Variants in KRT75 observed in about 807,000 individuals in gnomAD.
The protein encoded by KRT75 is keratin 75.
KRT75 carries 35 observed loss-of-function variants against 48.8 expected under a neutral mutation model. The observed-to-expected ratio is 0.72, with a 90% CI of 0.55 to 0.95. The LOEUF is 0.95. Ranked by LOEUF, KRT75 falls within the 40% of genes least tolerant of loss-of-function variation. The pLI is 0.00. For missense variants in KRT75, 776 were observed against 709.9 expected, an observed-to-expected ratio of 1.09 and a Z score of -1.06; for synonymous variants, 301 against 282.3, an observed-to-expected ratio of 1.07 and a Z score of -0.66.
At chr12:52,433,473 T>C (rs1940173008) in intron 1 of KRT75, among the ~76,000 whole-genome samples, 1 of 151,654 alleles carries the variant, frequency 6.6e-6, no homozygotes, top group South Asian at 2.1e-4. Flanking sequence ...GAGGCTTCTG[T>C]TGGGGAGCTG....
intron 5 of KRT75, among the ~76,000 whole-genome samples, chr12:52,429,567 G>A (rs955663645): frequency 4.6e-5 from 7 of 152,152 alleles, no homozygotes; most frequent in Non-Finnish European, 5.9e-5. Context: ...TCAGGTTCCC[G>A]CTTCTAGGTA....
chr12:52,431,462 A>C, intron 4 of KRT75, 81 bp downstream of exon 4: 1 of 1,059,200 alleles, frequency 9.4e-7, no homozygotes, highest in Non-Finnish European at 1.5e-6. Flanking sequence ...GAGGCACTGA[A>C]TGAATGAATG....
Position 52,433,152 on chromosome 12 carries a change from A to G in KRT75, c.599T>C (p.Phe200Ser). Residue 200 changes from phenylalanine (F) to serine (S), a missense_variant, in exon 2 of 9, where the codon TTT (phenylalanine) becomes TCT (serine). Transcript: ENST00000252245. ...TCGGAGCTCACTGGTATAGGAATCA[A>G]AGAGGGGCTCTAGGTTCTGCCTCAC... ...RTVRQNLEPL[F>S]DSYTSELRRQ... 1 of 1,613,864 alleles carries G rather than the reference A, an allele frequency of 6.2e-7. No individual in the cohort carries two copies. The highest frequency in any genetic ancestry group is 2.2e-5 in the East Asian group (1 of 44,848).
rs767195504 is a variant in KRT75 at position 52,428,630 on chromosome 12, G to A, written c.1149C>T (p.Ser383=). The A allele has an allele frequency of 1.6e-5, 26 of 1,614,086 alleles. No individual in the cohort carries two copies. The highest frequency in any genetic ancestry group is 1.9e-5 in the Non-Finnish European group (23 of 1,180,050). ...GCCAAATCTTTACCTGCTTCTTGACGCTGTCAATCTCAGCTCTCAGCCTCT... is the reference window on the plus strand; with the variant it reads ...GCCAAATCTTTACCTGCTTCTTGACACTGTCAATCTCAGCTCTCAGCCTCT... ...MIQRLRAEID[S]VKKQCSSLQT... is the part of the protein sequence containing the mutation. The change falls in exon 6 of 9, where the codon AGC becomes AGT. Residue 383 remains serine, a synonymous_variant. Coordinates refer to ENST00000252245, the MANE Select transcript of KRT75 (RefSeq NM_004693.3).
rs546285875 is a variant in KRT75, at chr12:52,424,118, G to T, written c.*399C>A. ...ACACATTCCAGGGAGGGAACAGAGGGAGCACTCACTCCCAGCAGGCCACTT... is the reference window on the plus strand; with the variant it reads ...ACACATTCCAGGGAGGGAACAGAGGTAGCACTCACTCCCAGCAGGCCACTT... On this transcript the variant is annotated 3_prime_UTR_variant, in exon 9 of 9. Transcript: ENST00000252245. 94 of 318,538 alleles carry T rather than the reference G, an allele frequency of 3.0e-4. 4 individuals carry two copies. The South Asian group carries it at 3.0e-3, about 10-fold the overall frequency. 19.7% of individuals were successfully genotyped at this position (318,538 alleles called of 1,614,324 possible).
chr12:52,432,329 A>G (rs777933113), intron 2 of KRT75, among the ~76,000 whole-genome samples: 13 of 152,202 alleles, frequency 8.5e-5, no homozygotes, highest in Admixed American at 3.9e-4. Flanking sequence ...ATGCAACTCC[A>G]TCTTTTGATA....
At position 52,433,167 on chromosome 12, in the gene KRT75, T is replaced by C. The variant is rs748429662; in HGVS notation, c.584A>G (p.Asn195Ser). The C allele has an allele frequency of 1.4e-5, 22 of 1,613,858 alleles. No homozygotes were observed. Among genetic ancestry groups the C allele is most frequent in the Non-Finnish European group, 1.7e-5 (20 of 1,179,974 alleles). Residue 195 changes from asparagine to serine, a missense_variant, in exon 2 of 9, where the codon AAC becomes AGC. Physicochemically the swap from Asn to Ser is conservative, Grantham distance 46. Transcript: ENST00000252245. ...QEQGSRTVRQNLEPLFDSYTS... is the reference protein window; with the variant it reads ...QEQGSRTVRQSLEPLFDSYTS... ...ATAGGAATCAAAGAGGGGCTCTAGG[T>C]TCTGCCTCACAGTCCTGGAGCCCTG...
chr12:52,431,108 C>A (rs1159231285), intron 4 of KRT75, among the ~76,000 whole-genome samples: 1 of 152,100 alleles, frequency 6.6e-6, no homozygotes, highest in Non-Finnish European at 1.5e-5. Context: ...AGACCCAGGT[C>A]TCTGCCTTTG....
At chr12:52,431,387 T>C (rs1172159158) in intron 4 of KRT75, among the ~76,000 whole-genome samples, 156 bp downstream of exon 4, 1 of 152,100 alleles carries the variant, frequency 6.6e-6, no homozygotes, top group Non-Finnish European at 1.5e-5. Flanking sequence ...AGGCTCCAAG[T>C]GGTTCTCCCT....
intron 5 of KRT75, 59 bp downstream of exon 5, chr12:52,430,482 A>G (rs892097337): frequency 1.3e-6 from 2 of 1,526,542 alleles, no homozygotes; most frequent in Admixed American, 1.7e-5. Context: ...GTTAAGTGAT[A>G]ATGTGGAGCC....
chr12:52,433,745 A>G (rs1040173577), intron 1 of KRT75, 62 bp downstream of exon 1: 5 of 1,610,796 alleles, frequency 3.1e-6, no homozygotes, highest in African/African-American at 1.3e-5. Flanking sequence ...CCCCCATGGG[A>G]TGGCCCTTCC....
At chr12:52,432,124 G>C (rs1940153703) in intron 2 of KRT75, 58 bp from the exon 3 acceptor site, 1 of 1,563,268 alleles carries the variant, frequency 6.4e-7, no homozygotes, top group African/African-American at 1.4e-5. Flanking sequence ...ACTCTTTCCA[G>C]GCTGGTGTAG....
In KRT75 at chr12:52,430,666, C is replaced by A. The variant is rs756190692; in HGVS notation, c.910G>T (p.Val304Leu). 24 of 1,614,048 alleles carry A rather than the reference C, an allele frequency of 1.5e-5. No homozygotes were observed. The South Asian group carries it at 2.3e-4, about 16-fold the overall frequency. ...QLQTQVGDTS[V>L]VLSMDNNRNL... ...CGGTTGTTGTCCATGGACAGCACCA[C>A]GGATGTGTCACCGACCTGGGTCTGC... Residue 304 changes from valine (V) to leucine (L), a missense_variant, in exon 5 of 9, where the codon GTG (valine) becomes TTG (leucine). Val to Leu is a conservative substitution (Grantham distance 32). Coordinates refer to ENST00000252245, the MANE Select transcript of KRT75 (RefSeq NM_004693.3).
rs1038352980 is a variant in KRT75 at position 52,424,213 on chromosome 12, A to T, written c.*304T>A. 3 of 463,422 alleles carry T rather than the reference A, an allele frequency of 6.5e-6. No homozygotes were observed. The highest frequency in any genetic ancestry group is 1.2e-5 in the Non-Finnish European group (3 of 249,862). 28.7% of individuals were successfully genotyped at this position (463,422 alleles called of 1,614,324 possible). A position where few individuals can be genotyped will look rare whatever the true frequency, so the allele number is the denominator to read the frequency against. ...CTCCCCAGCCTCTGCATCTGGAGGG[A>T]GGGAGGGAGGTGGAGCTGGAGGAGG... is the stretch of plus-strand genomic sequence containing the variant. On this transcript the variant is annotated 3_prime_UTR_variant, in exon 9 of 9. Transcript: ENST00000252245.
intron 5 of KRT75, 69 bp from the exon 6 acceptor site, chr12:52,428,812 A>G: frequency 2.5e-6 from 4 of 1,601,106 alleles, no homozygotes; most frequent in Non-Finnish European, 2.6e-6. Context: ...GTGCACACAG[A>G]CCCACCCTGG....
At chr12:52,425,382 A>G (rs945622313) in intron 8 of KRT75, among the ~76,000 whole-genome samples, 2 of 152,250 alleles carry the variant, frequency 1.3e-5, no homozygotes, top group Admixed American at 6.5e-5. Context: ...GTGTCCTTCA[A>G]AAACCTATGG....
rs767195504 is a variant in KRT75 at position 52,428,630 on chromosome 12, G to C, written c.1149C>G (p.Ser383Arg). The change falls in exon 6 of 9, where the codon AGC (serine) becomes AGG (arginine). Residue 383 changes from serine to arginine, a missense_variant. Ser to Arg is a moderately radical substitution (Grantham distance 110). Coordinates refer to ENST00000252245, the MANE Select transcript of KRT75 (RefSeq NM_004693.3). ...GCCAAATCTTTACCTGCTTCTTGAC[G>C]CTGTCAATCTCAGCTCTCAGCCTCT... The part of the protein sequence containing the change: ...MIQRLRAEID[S>R]VKKQCSSLQT... 1 of 1,614,204 alleles carries C rather than the reference G, an allele frequency of 6.2e-7. No individual in the cohort carries two copies. The highest frequency in any genetic ancestry group is 1.1e-5 in the South Asian group (1 of 91,090).
At chr12:52,430,169 T>G (rs957261324) in intron 5 of KRT75, among the ~76,000 whole-genome samples, 1 of 152,192 alleles carries the variant, frequency 6.6e-6, no homozygotes, top group Non-Finnish European at 1.5e-5. Flanking sequence ...GTTTATTTAT[T>G]TGCAACCCTG....
intron 8 of KRT75, 125 bp downstream of exon 8, chr12:52,426,692 C>T: frequency 2.0e-6 from 2 of 1,012,040 alleles, no homozygotes; most frequent in South Asian, 2.6e-5. Flanking sequence ...AAACCTTCTC[C>T]AAATGAACGC....
Sources: gnomAD v4.1 joint callset for allele counts (sites outside exome capture counted in the v4.1 genomes callset) on GRCh38, gnomAD v4.1.1 for gene constraint, MANE v1.5 for transcripts, NCBI Gene and HGNC (gene_info 2026-07-23, HGNC 2026-07-21) for gene names.